Variants in NRXN1 observed in about 807,000 individuals in gnomAD.
NRXN1 encodes neurexin 1.
In NRXN1, 39 loss-of-function variants were observed where a neutral mutation model predicts 150.9. The ratio of observed to expected loss-of-function variants is 0.26; its 90% CI spans 0.20 to 0.34. The LOEUF (loss-of-function observed/expected upper bound fraction) is 0.34. Ranked by LOEUF, NRXN1 falls within the 10% of genes least tolerant of loss-of-function variation. The probability of loss-of-function intolerance (pLI) is 1.00; values close to 1 mark genes in which losing one functional copy is unlikely to be tolerated. For missense variants in NRXN1, 1,815 were observed against 1,949.9 expected (o/e 0.93, Z 1.30); for synonymous variants, 924 against 757.0 (o/e 1.22, Z -3.62).
chr2:50,606,606 C>CAATAATAATAATAATAATAAT (rs3053107), intron 8 of NRXN1, among the ~76,000 whole-genome samples: 74 of 146,968 alleles, frequency 5.0e-4, no homozygotes, highest in African/African-American at 9.2e-4. Context: ...GCTGCTCATA[C>CAATAATAATAATAATAATAAT]AATAATAATA....
At chr2:50,880,842 T>A (rs1253563140) in intron 5 of NRXN1, among the ~76,000 whole-genome samples, 1 of 151,926 alleles carries the variant, frequency 6.6e-6, no homozygotes, top group Non-Finnish European at 1.5e-5. Context: ...AGTATGGGGC[T>A]GTACCAAATG....
intron 18 of NRXN1, among the ~76,000 whole-genome samples, chr2:50,227,186 T>A (rs1425471869): frequency 6.8e-6 from 1 of 146,496 alleles, no homozygotes; most frequent in African/African-American, 2.7e-5. Flanking sequence ...AGGAAGTTTG[T>A]TGTTGTTATT....
At chr2:50,522,680 T>C (rs555036220) in intron 12 of NRXN1, among the ~76,000 whole-genome samples, 1 of 150,964 alleles carries the variant, frequency 6.6e-6, no homozygotes, top group Non-Finnish European at 1.5e-5. Flanking sequence ...AACATGTGGA[T>C]AATTTAAATG....
At chr2:50,297,872 C>T (rs911626088) in intron 17 of NRXN1, among the ~76,000 whole-genome samples, 5 of 152,020 alleles carry the variant, frequency 3.3e-5, no homozygotes, top group African/African-American at 1.2e-4. Context: ...GGAGTTCAAC[C>T]ATGTATAAGG....
intron 18 of NRXN1, among the ~76,000 whole-genome samples, chr2:50,186,486 A>G (rs2061079939): frequency 6.6e-6 from 1 of 152,248 alleles, no homozygotes; most frequent in Admixed American, 6.6e-5. Flanking sequence ...GTGCTGGTTC[A>G]GTCCCAAGGA....
intron 5 of NRXN1, among the ~76,000 whole-genome samples, chr2:50,873,261 T>A (rs1678061784): frequency 6.6e-6 from 1 of 151,828 alleles, no homozygotes; most frequent in East Asian, 2.0e-4. Flanking sequence ...TAACACTATA[T>A]AAACGGTTGT....
intron 21 of NRXN1, among the ~76,000 whole-genome samples, chr2:49,969,098 C>T (rs1285066417): frequency 6.6e-6 from 1 of 152,046 alleles, no homozygotes; most frequent in Non-Finnish European, 1.5e-5. Flanking sequence ...CTTGGCAAGT[C>T]CAACAGTAGC....
chr2:50,689,814 C>T (rs1574109701), intron 5 of NRXN1, among the ~76,000 whole-genome samples: 1 of 151,150 alleles, frequency 6.6e-6, no homozygotes. Flanking sequence ...CTTTATAAGC[C>T]CATTTGAGGC....
intron 17 of NRXN1, among the ~76,000 whole-genome samples, chr2:50,316,060 A>T (rs1020319625): frequency 3.9e-5 from 6 of 152,178 alleles, no homozygotes; most frequent in Non-Finnish European, 7.4e-5. Context: ...GGAGAAAATG[A>T]TTACAGTATG....
At chr2:51,016,153 T>G (rs1668633811) in intron 2 of NRXN1, among the ~76,000 whole-genome samples, 1 of 151,506 alleles carries the variant, frequency 6.6e-6, no homozygotes. Context: ...ACCATAAAGA[T>G]CCTTGAAGAA....
chr2:50,363,407 C>A (rs1367644745), intron 17 of NRXN1, among the ~76,000 whole-genome samples: 1 of 152,100 alleles, frequency 6.6e-6, no homozygotes, highest in Non-Finnish European at 1.5e-5. Flanking sequence ...AAAAAACAAA[C>A]AACCCCATCA....
chr2:50,809,904 C>T (rs917434454), intron 5 of NRXN1, among the ~76,000 whole-genome samples: 1 of 152,126 alleles, frequency 6.6e-6, no homozygotes, highest in Non-Finnish European at 1.5e-5. Flanking sequence ...ACAGGCATAC[C>T]TGTCAATTTT....
intron 5 of NRXN1, among the ~76,000 whole-genome samples, chr2:50,905,396 G>A (rs1683527420): frequency 6.6e-6 from 1 of 152,138 alleles, no homozygotes; most frequent in Admixed American, 6.6e-5. Flanking sequence ...AGGGCACACA[G>A]TAGGGAGTAA....
At chr2:50,067,718 A>G (rs1485184035) in intron 19 of NRXN1, among the ~76,000 whole-genome samples, 2 of 152,216 alleles carry the variant, frequency 1.3e-5, no homozygotes, top group Non-Finnish European at 2.9e-5. Flanking sequence ...CTAAATACTG[A>G]GAATAAGAAA....
chr2:50,102,645 G>C (rs780643037), intron 18 of NRXN1, among the ~76,000 whole-genome samples: 80 of 152,052 alleles, frequency 5.3e-4, no homozygotes, highest in Non-Finnish European at 8.7e-4. Flanking sequence ...AAGGCAAAGA[G>C]TAAGGATAGC....
rs34975364 is a variant in NRXN1, at chr2:50,844,859, A to AT, written c.832+77009dup. Among the ~76,000 whole-genome samples the AT allele has an allele frequency of 7.3e-3, 1,085 of 148,876 alleles. 9 individuals are homozygous for AT. Among genetic ancestry groups the AT allele is most frequent in the East Asian group, 0.032 (161 of 5,042 alleles). On this transcript the variant is annotated intron_variant, in intron 5 of 22. Coordinates refer to ENST00000401669, the MANE Select transcript of NRXN1 (RefSeq NM_001330078.2). ...GTGGTTTAGCCATCCTCAGCTAATC[A>AT]TTTTTTTTTTTTGAAGCAGAGGCTT...
chr2:51,009,354 G>C (rs904551842), intron 2 of NRXN1: 26 of 151,886 alleles, frequency 1.7e-4, no homozygotes, highest in African/African-American at 5.6e-4. Context: ...ATGCATATTT[G>C]GAAACTGCAA....
chr2:50,357,153 T>C (rs2078874643), intron 17 of NRXN1, among the ~76,000 whole-genome samples: 1 of 152,012 alleles, frequency 6.6e-6, no homozygotes, highest in South Asian at 2.1e-4. Flanking sequence ...TGGTGGTATA[T>C]ATCTGTGGTG....
At chr2:50,762,060 G>C (rs9678486) in intron 5 of NRXN1, among the ~76,000 whole-genome samples, 27,419 of 151,414 alleles carry the variant, frequency 0.18, 4,327 homozygotes, top group African/African-American at 0.4. Context: ...TATTGAGGGA[G>C]TTCATCTTGT....
Sources: allele counts gnomAD v4.1 joint callset (sites outside exome capture counted in the v4.1 genomes callset), GRCh38; gene constraint gnomAD v4.1.1; transcripts MANE v1.5; gene names NCBI Gene and HGNC (gene_info 2026-07-23, HGNC 2026-07-21).